Variants in PUDP observed in about 807,000 individuals in gnomAD.
The protein encoded by PUDP is pseudouridine 5'-phosphatase.
A neutral mutation model predicts 9.4 loss-of-function variants in PUDP; 8 were observed. The observed-to-expected ratio is 0.85, with a 90% CI of 0.50 to 1.53. PUDP has a LOEUF of 1.53. Among genes scored for constraint, PUDP ranks in the 40% most tolerant of loss-of-function variants. PUDP has a pLI of 0.00. For synonymous variants in PUDP, 99 were observed against 80.7 expected (o/e 1.23, Z -1.22); for missense variants, 188 against 189.7 (o/e 0.99, Z 0.05).
At chrX:6,842,505 A>G (rs1274416836) in intron 3 of PUDP, among the ~76,000 whole-genome samples, 5 of 112,314 alleles carry the variant, frequency 4.5e-5, no homozygotes, top group Admixed American at 9.5e-5. Context: ...TCTTAGCAGT[A>G]TTTAATAGAA....
At chrX:7,004,877 T>C (rs1929379399) in intron 1 of PUDP, among the ~76,000 whole-genome samples, 1 of 112,324 alleles carries the variant, frequency 8.9e-6, no homozygotes, top group South Asian at 3.7e-4. Flanking sequence ...TAAATTGCTA[T>C]ATGAGAAACC....
intron 1 of PUDP, among the ~76,000 whole-genome samples, chrX:7,020,080 C>T (rs868117631): frequency 8.2e-5 from 9 of 109,793 alleles, no homozygotes; most frequent in African/African-American, 1.3e-4. Context: ...GGTTTGTGGA[C>T]GTCTGACATG....
At chrX:7,004,957 A>C (rs1416587083) in intron 1 of PUDP, among the ~76,000 whole-genome samples, 1 of 112,321 alleles carries the variant, frequency 8.9e-6, no homozygotes, top group Non-Finnish European at 1.9e-5. Context: ...ATCTTCCCTA[A>C]AGTTCTGACA....
intron 3 of PUDP, among the ~76,000 whole-genome samples, chrX:6,742,334 T>C (rs1047289538): frequency 8.9e-6 from 1 of 112,845 alleles, no homozygotes; most frequent in African/African-American, 3.2e-5. Flanking sequence ...TTTTTATGAA[T>C]ACAGTTTTAT....
intron 3 of PUDP, among the ~76,000 whole-genome samples, chrX:6,901,551 G>A (rs1039093813): frequency 1.8e-5 from 2 of 112,142 alleles, no homozygotes; most frequent in African/African-American, 6.5e-5. Flanking sequence ...TGCTCCACGG[G>A]GCGCAGCCTG....
At chrX:6,816,752 A>G (rs1254597483) in intron 3 of PUDP, among the ~76,000 whole-genome samples, 2 of 95,397 alleles carry the variant, frequency 2.1e-5, no homozygotes, top group Admixed American at 1.3e-4. Context: ...TATATACGAT[A>G]TAGTATATAC....
chrX:7,082,155 C>T (rs1931112986), intron 2 of PUDP, among the ~76,000 whole-genome samples: 1 of 112,148 alleles, frequency 8.9e-6, no homozygotes, highest in Non-Finnish European at 1.9e-5. Context: ...ATCTAGGTAT[C>T]TGTTGCTCCA....
chrX:6,937,915 A>G (rs1170906558), intron 3 of PUDP, among the ~76,000 whole-genome samples: 1 of 82,119 alleles, frequency 1.2e-5, no homozygotes, highest in Non-Finnish European at 2.3e-5. Flanking sequence ...AAGAAATGCA[A>G]ATCAAAACCA....
At chrX:7,085,055 G>A (rs1250904875) in intron 2 of PUDP, 1 of 111,984 alleles carries the variant, frequency 8.9e-6, no homozygotes, top group Non-Finnish European at 1.9e-5. Context: ...AGACGTCGCT[G>A]TTGTGGTATA....
At chrX:7,031,062 T>C (rs1929786001) in intron 1 of PUDP, among the ~76,000 whole-genome samples, 1 of 111,205 alleles carries the variant, frequency 9.0e-6, no homozygotes, top group Admixed American at 9.5e-5. Flanking sequence ...TTGTAAACTG[T>C]CATGGCGCTG....
intron 3 of PUDP, among the ~76,000 whole-genome samples, chrX:6,745,851 A>G (rs5948747): frequency 0.4 from 43,882 of 110,076 alleles, 9,245 homozygotes; most frequent in African/African-American, 0.82. Context: ...GCTATGTTCC[A>G]CAGGCTGGTC....
chrX:6,826,052 G>A (rs970643493), intron 3 of PUDP, among the ~76,000 whole-genome samples: 1 of 111,468 alleles, frequency 9.0e-6, no homozygotes, highest in African/African-American at 3.3e-5. Context: ...AATTGTCTCT[G>A]ATCTCATATA....
chrX:7,011,471 T>C lies in PUDP; in HGVS notation c.205-33128A>G, dbSNP rs533349047. 1.5e-3 allele frequency among the ~76,000 whole-genome samples: 170 copies of C among 111,150 alleles called. 1 individual carries two copies. Among genetic ancestry groups the C allele is most frequent in the African/African-American group, 5.2e-3 (160 of 30,484 alleles). Reference sequence around the variant, plus strand: ...ATTTCCTGCCTTCTCTCCTCCTTTCTTCCCTCCCTCGCTCCCTCCCTCTCT... The same window carrying C: ...ATTTCCTGCCTTCTCTCCTCCTTTCCTCCCTCCCTCGCTCCCTCCCTCTCT... On this transcript the variant is annotated intron_variant and NMD_transcript_variant, in intron 1 of 3. Transcript: ENST00000655425.
intron 3 of PUDP, among the ~76,000 whole-genome samples, chrX:6,942,079 G>A (rs142225578): frequency 1.8e-5 from 2 of 110,893 alleles, no homozygotes; most frequent in Non-Finnish European, 3.8e-5. Flanking sequence ...CGAGGGGAGG[G>A]TTAAAAAATT....
At chrX:7,147,675 T>A (rs1464235346) in intron 1 of PUDP, among the ~76,000 whole-genome samples, 10 of 111,882 alleles carry the variant, frequency 8.9e-5, no homozygotes, top group African/African-American at 3.2e-4. Context: ...CACGCATGCG[T>A]AACCGAAAAG....
chrX:7,007,280 G>T (rs1929414875), intron 1 of PUDP, among the ~76,000 whole-genome samples: 1 of 111,802 alleles, frequency 8.9e-6, no homozygotes, highest in Non-Finnish European at 1.9e-5. Context: ...ATGGTGATGT[G>T]GTGAGTTTCA....
chrX:6,735,104 AGCCAGT>A (rs1393981097), intron 3 of PUDP, among the ~76,000 whole-genome samples: 2 of 112,311 alleles, frequency 1.8e-5, no homozygotes, highest in Non-Finnish European at 3.8e-5. Context: ...TTGCTATGTG[AGCCAGT>A]GATATTCAGG....
intron 1 of PUDP, among the ~76,000 whole-genome samples, chrX:7,107,574 C>A (rs1027647909): frequency 8.9e-6 from 1 of 112,776 alleles, no homozygotes; most frequent in South Asian, 3.6e-4. Flanking sequence ...CGCCTATAAT[C>A]CCAGCACTTT....
At chrX:6,904,847 G>A (rs1271796729) in intron 3 of PUDP, among the ~76,000 whole-genome samples, 1 of 112,161 alleles carries the variant, frequency 8.9e-6, no homozygotes, top group Non-Finnish European at 1.9e-5. Context: ...AGAAAGCAGG[G>A]CAAGAATGAC....
Sources: gnomAD v4.1 joint callset for allele counts (sites outside exome capture counted in the v4.1 genomes callset) on GRCh38, gnomAD v4.1.1 for gene constraint, MANE v1.5 for transcripts, NCBI Gene and HGNC (gene_info 2026-07-23, HGNC 2026-07-21) for gene names.